Variants in MTCH1 observed in about 807,000 individuals in gnomAD.
MTCH1 encodes mitochondrial carrier 1.
MTCH1 carries 23 observed loss-of-function variants against 49.3 expected under a neutral mutation model. That is an observed-to-expected ratio of 0.47 (90% confidence interval 0.34 to 0.66). The LOEUF (loss-of-function observed/expected upper bound fraction) is 0.66. Among genes scored for constraint, MTCH1 ranks in the 30% least tolerant of loss-of-function variants. The probability of loss-of-function intolerance (pLI) is 0.01; values close to 1 mark genes in which losing one functional copy is unlikely to be tolerated. For synonymous variants in MTCH1, 229 were observed against 215.2 expected, an observed-to-expected ratio of 1.06 and a Z score of -0.56; for missense variants, 397 against 532.1, an observed-to-expected ratio of 0.75 and a Z score of 2.50.
At position 36,972,864 on chromosome 6, in the gene MTCH1, AG is replaced by A. The variant is rs1583251764; in HGVS notation, c.762-69del. 20 of 1,455,808 alleles carry A rather than the reference AG, an allele frequency of 1.4e-5. No homozygotes were observed. In the East Asian group the frequency reaches 5.0e-4, roughly 37 times the overall value. 90.2% of individuals were successfully genotyped at this position (1,455,808 alleles called of 1,614,324 possible). ...AGCAGTTCCTGGGGGCTCCACACCC[AG>A]GAAGCAGGCAGGGATGTTCCGAGCT... On this transcript the variant is annotated intron_variant, in intron 7 of 11. Transcript: ENST00000373627. This position sits in a 1 kb window ranked among gnomAD's most constrained non-coding sequence, Gnocchi z 4.1.
In MTCH1 at chr6:36,977,989, C is replaced by G; in HGVS notation, c.591+89G>C. 1 of 1,206,770 alleles carries G rather than the reference C, an allele frequency of 8.3e-7. No homozygotes were observed. 74.8% of individuals were successfully genotyped at this position (1,206,770 alleles called of 1,614,324 possible). A position where few individuals can be genotyped will look rare whatever the true frequency, so the allele number is the denominator to read the frequency against. On this transcript the variant is annotated intron_variant, in intron 4 of 11. Transcript: ENST00000373627. The surrounding 1 kb of genome is among the most constrained non-coding windows in gnomAD (Gnocchi z 5.4). ...ATGCATACACAAGGACCCAACTCTT[C>G]GACTTGTCAATGACCCGCCCAACTT...
chr6:36,973,186 T>C (rs1397360461), intron 7 of MTCH1, among the ~76,000 whole-genome samples: 4 of 152,236 alleles, frequency 2.6e-5, no homozygotes, highest in African/African-American at 9.6e-5. Flanking sequence ...CACTGCTCAA[T>C]GCATCTGTTC....
At chr6:36,970,825 C>T in intron 8 of MTCH1, 131 bp from the exon 9 acceptor site, 1 of 1,044,760 alleles carries the variant, frequency 9.6e-7, no homozygotes, top group Non-Finnish European at 1.4e-6. Flanking sequence ...TCCTGTCAGC[C>T]CTCACAGTCA....
At chr6:36,976,510 C>T (rs1326973608) in intron 6 of MTCH1, 2 of 471,070 alleles carry the variant, frequency 4.2e-6, no homozygotes, top group Admixed American at 2.3e-5. Flanking sequence ...CATAATCAGT[C>T]TAGGGGAATG....
chr6:36,980,558 T>G (rs991342256), intron 2 of MTCH1, among the ~76,000 whole-genome samples: 1 of 152,218 alleles, frequency 6.6e-6, no homozygotes, highest in Non-Finnish European at 1.5e-5. Context: ...CCCTAGACTC[T>G]GCACTCAACA....
chr6:36,969,012 G>A (rs1162350194), intron 11 of MTCH1, 38 bp from the exon 12 acceptor site: 4 of 1,609,660 alleles, frequency 2.5e-6, no homozygotes, highest in South Asian at 2.2e-5. Flanking sequence ...TGAAAGGGAG[G>A]CCACGCTTCC....
intron 1 of MTCH1, 87 bp from the exon 2 acceptor site, chr6:36,981,759 G>C: frequency 1.8e-6 from 2 of 1,094,312 alleles, no homozygotes; most frequent in Non-Finnish European, 2.6e-6. Flanking sequence ...TGCCCCCTTT[G>C]CTTAACTCTT....
chr6:36,978,078 C>T lies in MTCH1; in HGVS notation c.591G>A (p.Glu197=). The T allele has an allele frequency of 6.2e-7, 1 of 1,610,922 alleles. No homozygotes were observed. The highest frequency in any genetic ancestry group is 8.5e-7 in the Non-Finnish European group (1 of 1,177,030). ...TCCCTCTCCAACTCTCAACACCCACCTCCTTCACAACTTTCTTCAGGGAAG... is the reference window on the plus strand; with the variant it reads ...TCCCTCTCCAACTCTCAACACCCACTTCCTTCACAACTTTCTTCAGGGAAG... The part of the protein sequence containing the change: ...MKTSLKKVVK[E]TSYEMMMQCV... Residue 197 remains glutamate, a splice_region_variant and synonymous_variant, in exon 4 of 12, where the codon GAG becomes GAA. Transcript: ENST00000373627.
rs1347952669 is a variant in MTCH1 at position 36,973,471 on chromosome 6, T to C, written c.762-675A>G. 2.0e-5 allele frequency among the ~76,000 whole-genome samples: 3 copies of C among 151,478 alleles called. No homozygotes were observed. The East Asian group carries it at 5.8e-4, about 29-fold the overall frequency. On this transcript the variant is annotated intron_variant, in intron 7 of 11. Coordinates refer to ENST00000373627, the MANE Select transcript of MTCH1 (RefSeq NM_001271641.2). Reference sequence around the variant, plus strand: ...CTGTCTCCTGGGAGGAGAAGCAGAATTTTTGTTTTTGAATTAAAAAAAAAA... The same window carrying C: ...CTGTCTCCTGGGAGGAGAAGCAGAACTTTTGTTTTTGAATTAAAAAAAAAA...
rs752315829 is a variant in MTCH1 at position 36,968,912 on chromosome 6, G to A, written c.1161C>T (p.Ala387=). Residue 387 remains alanine (A), a synonymous_variant, in exon 12 of 12, where the codon GCC becomes GCT. Transcript: ENST00000373627. ...FRRVSSGSCF[A]LE ...TTTTAGATGATTCAGGTTACTCCAG[G>A]GCAAAGCATGATCCTGATGACACCC... The A allele has an allele frequency of 6.2e-7, 1 of 1,614,104 alleles. No homozygotes were observed. The highest frequency in any genetic ancestry group is 1.1e-5 in the South Asian group (1 of 91,076).
At position 36,977,056 on chromosome 6, in the gene MTCH1, C is replaced by T; in HGVS notation, c.701+143G>A. On this transcript the variant is annotated intron_variant, in intron 6 of 11. Transcript: ENST00000373627. The surrounding 1 kb of genome is among the most constrained non-coding windows in gnomAD (Gnocchi z 5.4). ...CTGGACAGACTATTGAAGCCACTGCCACATTCCTCAGAAGCCAGGCAGCAG... is the reference window on the plus strand; with the variant it reads ...CTGGACAGACTATTGAAGCCACTGCTACATTCCTCAGAAGCCAGGCAGCAG... 1 of 826,870 alleles carries T rather than the reference C, an allele frequency of 1.2e-6. No individual in the cohort carries two copies. Among genetic ancestry groups the T allele is most frequent in the Non-Finnish European group, 2.0e-6 (1 of 496,154 alleles). The allele number at this position is 826,870 out of a possible 1,614,324, so 51.2% of individuals were successfully genotyped here. A position where few individuals can be genotyped will look rare whatever the true frequency, so the allele number is the denominator to read the frequency against.
intron 11 of MTCH1, 69 bp from the exon 12 acceptor site, chr6:36,969,043 C>T (rs191582355): frequency 1.3e-6 from 2 of 1,579,716 alleles, no homozygotes; most frequent in Non-Finnish European, 1.7e-6. Context: ...GAGAGGAAGG[C>T]CAGTGTCAGG....
chr6:36,984,608 C>A (rs1339672985), intron 1 of MTCH1, among the ~76,000 whole-genome samples: 3 of 152,024 alleles, frequency 2.0e-5, no homozygotes, highest in Admixed American at 6.6e-5. Flanking sequence ...CTTCCTCCCC[C>A]CAAGCTTCTT....
At chr6:36,983,201 A>C (rs1332548462) in intron 1 of MTCH1, among the ~76,000 whole-genome samples, 1 of 152,218 alleles carries the variant, frequency 6.6e-6, no homozygotes, top group Non-Finnish European at 1.5e-5. Context: ...CAGTGGAGCA[A>C]AGGAGGAAAG....
rs148192753 is a variant in MTCH1, at chr6:36,981,764, A to G, written c.322-92T>C. ...TCACACCTCTTGCCCCCTTTGCTTA[A>G]CTCTTCTCCCACAAATTCTAATGTG... On this transcript the variant is annotated intron_variant, in intron 1 of 11. Transcript: ENST00000373627. 5.7e-5 allele frequency: 60 copies of G among 1,048,934 alleles called. No individual in the cohort carries two copies. The East Asian group carries it at 1.4e-3, about 25-fold the overall frequency. 65.0% of individuals were successfully genotyped at this position (1,048,934 alleles called of 1,614,324 possible). A position where few individuals can be genotyped will look rare whatever the true frequency, so the allele number is the denominator to read the frequency against.
chr6:36,975,523 T>C (rs1763844141), intron 7 of MTCH1, 135 bp downstream of exon 7: 1 of 794,156 alleles, frequency 1.3e-6, no homozygotes, highest in African/African-American at 1.7e-5. Flanking sequence ...TCTGGAGAGC[T>C]GGCTGCAGCA....
chr6:36,986,467 G>A (rs1764325661), upstream of MTCH1, among the ~76,000 whole-genome samples: 1 of 152,162 alleles, frequency 6.6e-6, no homozygotes, highest in East Asian at 1.9e-4. Context: ...CGGGGGCGGG[G>A]TTCGGCGCCT....
Position 36,968,361 on chromosome 6 carries a change from T to C in MTCH1, c.*542A>G, listed in dbSNP as rs1048506268. 6 of 254,496 alleles carry C rather than the reference T, an allele frequency of 2.4e-5. No individual in the cohort carries two copies. Among genetic ancestry groups the C allele is most frequent in the South Asian group, 4.5e-5 (1 of 22,366 alleles). 15.8% of individuals were successfully genotyped at this position (254,496 alleles called of 1,614,324 possible). A position where few individuals can be genotyped will look rare whatever the true frequency, so the allele number is the denominator to read the frequency against. On this transcript the variant is annotated 3_prime_UTR_variant, in exon 12 of 12. Transcript: ENST00000373627. The stretch of plus-strand genomic sequence containing the variant: ...GCATGATTTCCCATTCAGAGGCAGG[T>C]GCTGCCCTCATATCAGAAAAGTAGT...
intron 6 of MTCH1, chr6:36,976,373 G>A (rs908054867): frequency 8.3e-6 from 3 of 362,932 alleles, no homozygotes; most frequent in African/African-American, 6.4e-5. Context: ...TACTAACAGA[G>A]GGAGCCAGTG....
Sources: allele counts gnomAD v4.1 joint callset (sites outside exome capture counted in the v4.1 genomes callset), GRCh38; gene constraint gnomAD v4.1.1; non-coding constraint Gnocchi (gnomAD v3.1); transcripts MANE v1.5; gene names NCBI Gene and HGNC (gene_info 2026-07-23, HGNC 2026-07-21).